SRP54: variants seen among roughly 807,000 people sequenced by gnomAD.
SRP54 encodes signal recognition particle subunit SRP54.
Under a neutral mutation model 64.8 loss-of-function variants are expected in SRP54, and 10 were observed. The observed-to-expected ratio is 0.15, with a 90% confidence interval of 0.10 to 0.26. SRP54 has a LOEUF of 0.26. Among genes scored for constraint, SRP54 ranks in the 10% least tolerant of loss-of-function variants. The pLI is 1.00. For synonymous variants in SRP54, 193 were observed against 185.6 expected, an observed-to-expected ratio of 1.04 and a Z score of -0.32; for missense variants, 325 against 613.7, an observed-to-expected ratio of 0.53 and a Z score of 4.97.
intron 5 of SRP54, among the ~76,000 whole-genome samples, 167 bp downstream of exon 5, chr14:35,007,554 T>G (rs2044277586): frequency 6.8e-6 from 1 of 146,588 alleles, no homozygotes; most frequent in African/African-American, 2.5e-5. Context: ...AATGTTATTT[T>G]ATATAAAATA....
chr14:35,013,630 G>A lies in SRP54; in HGVS notation c.785+136G>A, dbSNP rs1295791088. 2.5e-6 allele frequency: 3 copies of A among 1,213,290 alleles called. No individual in the cohort carries two copies. The East Asian group carries it at 7.4e-5, about 30-fold the overall frequency. The allele number at this position is 1,213,290 out of a possible 1,614,324, so 75.2% of individuals were successfully genotyped here. A position where few individuals can be genotyped will look rare whatever the true frequency, so the allele number is the denominator to read the frequency against. ...ATGGTTTATAAAGAAAGTTTAAATA[G>A]AAACAATTTTGGAGCCTGTCTGATA... On this transcript the variant is annotated intron_variant, in intron 9 of 15. Coordinates refer to ENST00000216774, the MANE Select transcript of SRP54 (RefSeq NM_003136.4).
chr14:35,014,004 A>G, intron 10 of SRP54, 102 bp downstream of exon 10: 1 of 814,976 alleles, frequency 1.2e-6, no homozygotes, highest in South Asian at 1.8e-5. Flanking sequence ...TAAGCACATC[A>G]TTTCTTTCTG....
In SRP54 at chr14:35,011,588, G is replaced by T; in HGVS notation, c.565G>T (p.Val189Phe). 1 of 1,592,776 alleles carries T rather than the reference G, an allele frequency of 6.3e-7. No individual in the cohort carries two copies. Among genetic ancestry groups the T allele is most frequent in the Non-Finnish European group, 8.6e-7 (1 of 1,166,868 alleles). ...FKNENFEIII[V>F]DTSGRHKQED... ...AAATGAAAATTTTGAAATTATTATT[G>T]TTGATACAAGTGGCCGCCACAAACA... Residue 189 changes from valine (V) to phenylalanine (F), a missense_variant, in exon 8 of 16, where the codon GTT becomes TTT. Transcript: ENST00000216774.
At chr14:35,007,624 T>G (rs1423121593) in intron 5 of SRP54, among the ~76,000 whole-genome samples, 1 of 121,940 alleles carries the variant, frequency 8.2e-6, no homozygotes, top group Admixed American at 8.5e-5. Context: ...TATATTTTAT[T>G]AAAATATATT....
chr14:35,002,395 G>A (rs1229000254), intron 4 of SRP54, among the ~76,000 whole-genome samples: 1 of 151,046 alleles, frequency 6.6e-6, no homozygotes, highest in African/African-American at 2.4e-5. Flanking sequence ...AGCATTAGAT[G>A]CCCACTAGTT....
chr14:34,984,179 T>G (rs1290250073), intron 1 of SRP54, among the ~76,000 whole-genome samples: 1 of 152,216 alleles, frequency 6.6e-6, no homozygotes, highest in African/African-American at 2.4e-5. Flanking sequence ...AAAAGCATCT[T>G]CAAGTCTTCC....
intron 7 of SRP54, among the ~76,000 whole-genome samples, chr14:35,009,636 A>G (rs1465777745): frequency 1.3e-5 from 2 of 152,182 alleles, no homozygotes; most frequent in Non-Finnish European, 2.9e-5. Context: ...TGGTCATACC[A>G]TTTGTTCCAA....
chr14:34,997,292 A>G (rs2044086193), intron 2 of SRP54, among the ~76,000 whole-genome samples: 1 of 152,172 alleles, frequency 6.6e-6, no homozygotes, highest in South Asian at 2.1e-4. Context: ...CTTAGATGAT[A>G]TTAAAATACT....
rs955747201 is a variant in SRP54 at position 34,999,717 on chromosome 14, TG to T, written c.170+70del. 4 of 1,113,526 alleles carry T rather than the reference TG, an allele frequency of 3.6e-6. No individual in the cohort carries two copies. In the African/African-American group the frequency reaches 6.2e-5, roughly 17 times the overall value. 69.0% of individuals were successfully genotyped at this position (1,113,526 alleles called of 1,614,324 possible). ...TAGTTTACTGGAAAGAGGTGCTAAC[TG>T]GAAGTGTTTGCTGTATCAGGAATCA... On this transcript the variant is annotated intron_variant, in intron 3 of 15. Transcript: ENST00000216774.
chr14:34,987,246 A>AAAATATAT (rs1555352658), intron 1 of SRP54, among the ~76,000 whole-genome samples: 15 of 110,066 alleles, frequency 1.4e-4, no homozygotes, highest in African/African-American at 5.5e-4. Flanking sequence ...AAAAAAAAAA[A>AAAATATAT]ATATATATAT....
chr14:35,023,276 G>A (rs1004025213), intron 14 of SRP54, among the ~76,000 whole-genome samples, 196 bp downstream of exon 14: 1 of 150,976 alleles, frequency 6.6e-6, no homozygotes, highest in Non-Finnish European at 1.5e-5. Context: ...CTTTACATCT[G>A]TGTAGTGTGG....
rs34646567 is a variant in SRP54, at chr14:34,998,973, ATGTGTGTG to A, written c.79-552_79-545del. ...TTGTCTTTATTATTACTTTGTGTGT[ATGTGTGTG>A]TGTGTGTGTGTGTGTGTGTGTGTGT... On this transcript the variant is annotated intron_variant, in intron 2 of 15. Coordinates refer to ENST00000216774, the MANE Select transcript of SRP54 (RefSeq NM_003136.4). 1.6e-3 allele frequency among the ~76,000 whole-genome samples: 104 copies of A among 63,686 alleles called. 1 individual carries two copies. Among genetic ancestry groups the A allele is most frequent in the African/African-American group, 4.0e-3 (86 of 21,692 alleles). 41.8% of individuals were successfully genotyped at this position (63,686 alleles called of 152,430 possible). A position where few individuals can be genotyped will look rare whatever the true frequency, so the allele number is the denominator to read the frequency against.
intron 15 of SRP54, 25 bp downstream of exon 15, chr14:35,028,208 G>A (rs2044665871): frequency 7.0e-7 from 1 of 1,430,952 alleles, no homozygotes; most frequent in Admixed American, 1.9e-5. Context: ...GTTGGCAGTT[G>A]CTAATGCAGT....
At chr14:34,988,596 AC>A (rs1308372767) in intron 1 of SRP54, among the ~76,000 whole-genome samples, 33 of 88,886 alleles carry the variant, frequency 3.7e-4, no homozygotes, top group African/African-American at 1.1e-3. Context: ...TATATATATA[AC>A]ATATATATAT....
chr14:35,018,584 T>G, intron 11 of SRP54, 108 bp from the exon 12 acceptor site: 1 of 851,594 alleles, frequency 1.2e-6, no homozygotes, highest in Non-Finnish European at 1.8e-6. Context: ...TTGATGTATA[T>G]TTTATAAATA....
chr14:35,026,299 C>T (rs1388397167), intron 14 of SRP54, among the ~76,000 whole-genome samples: 1 of 151,956 alleles, frequency 6.6e-6, no homozygotes, highest in African/African-American at 2.4e-5. Flanking sequence ...ATGATCATGG[C>T]TCACTGCAGC....
intron 14 of SRP54, among the ~76,000 whole-genome samples, chr14:35,024,260 C>T (rs978919779): frequency 1.3e-5 from 2 of 152,140 alleles, no homozygotes; most frequent in African/African-American, 2.4e-5. Context: ...AACTCCTGAC[C>T]TCAAATGATG....
chr14:35,022,009 A>C (rs2139022317), intron 13 of SRP54, among the ~76,000 whole-genome samples: 1 of 152,320 alleles, frequency 6.6e-6, no homozygotes, highest in South Asian at 2.1e-4. Context: ...CTACTGAGAG[A>C]ATTAAAATAC....
chr14:34,995,263 T>C (rs1373682355), intron 1 of SRP54, among the ~76,000 whole-genome samples: 1 of 150,526 alleles, frequency 6.6e-6, no homozygotes, highest in Non-Finnish European at 1.5e-5. Context: ...TTATGGAGAC[T>C]TAAGTTTCAA....
Sources: gnomAD v4.1 joint callset for allele counts (sites outside exome capture counted in the v4.1 genomes callset) on GRCh38, gnomAD v4.1.1 for gene constraint, MANE v1.5 for transcripts, NCBI Gene and HGNC (gene_info 2026-07-23, HGNC 2026-07-21) for gene names.